Variants in NADK observed in about 807,000 individuals in gnomAD.
NADK encodes the protein NAD kinase.
A neutral mutation model predicts 49.8 loss-of-function variants in NADK; 22 were observed. The ratio of observed to expected loss-of-function variants is 0.44; its 90% CI spans 0.32 to 0.63. The LOEUF is 0.63. Among genes scored for constraint, NADK ranks in the 30% least tolerant of loss-of-function variants. The pLI, the probability that NADK is intolerant of heterozygous loss-of-function variation, is 0.06. For missense variants in NADK, 438 were observed against 609.4 expected (o/e 0.72, Z 2.96); for synonymous variants, 268 against 253.7 (o/e 1.06, Z -0.54).
At chr1:1,759,621 G>A (rs768381938) in intron 3 of NADK, 10 of 1,225,756 alleles carry the variant, frequency 8.2e-6, no homozygotes, top group Admixed American at 7.1e-5. Flanking sequence ...CCTCCACAGC[G>A]GGGATGGGAA....
intron 1 of NADK, among the ~76,000 whole-genome samples, chr1:1,774,502 G>A (rs1253428096): frequency 1.3e-5 from 2 of 152,108 alleles, no homozygotes; most frequent in African/African-American, 4.8e-5. Context: ...TGATCCGCCC[G>A]CCTTGGCCTC....
intron 3 of NADK, 140 bp downstream of exon 3, chr1:1,761,812 G>C (rs1451123527): frequency 5.5e-6 from 4 of 728,068 alleles, no homozygotes; most frequent in Non-Finnish European, 7.0e-6. Context: ...TGAAGTGCTA[G>C]AATCTTCCTC....
chr1:1,761,124 C>T (rs1451105037), intron 3 of NADK, among the ~76,000 whole-genome samples: 2 of 152,194 alleles, frequency 1.3e-5, no homozygotes, highest in Admixed American at 1.3e-4. Context: ...TCCCAAGTAG[C>T]TGGGATTATA....
At chr1:1,761,201 C>T (rs1251004197) in intron 3 of NADK, among the ~76,000 whole-genome samples, 3 of 152,320 alleles carry the variant, frequency 2.0e-5, no homozygotes, top group East Asian at 3.9e-4. Flanking sequence ...CCATATTGGC[C>T]AGGCTGGTCT....
At chr1:1,761,227 G>A (rs556811254) in intron 3 of NADK, among the ~76,000 whole-genome samples, 8 of 152,266 alleles carry the variant, frequency 5.3e-5, no homozygotes, top group East Asian at 1.9e-4. Flanking sequence ...TCCTGACCTC[G>A]TGATCCGCCC....
intron 1 of NADK, among the ~76,000 whole-genome samples, chr1:1,769,029 C>T (rs1313845765): frequency 2.6e-5 from 4 of 152,220 alleles, no homozygotes; most frequent in Admixed American, 2.6e-4. Context: ...GAAGGTACAG[C>T]CCAGGCACCG....
chr1:1,772,934 G>A (rs1003817973), intron 1 of NADK, among the ~76,000 whole-genome samples: 4 of 151,592 alleles, frequency 2.6e-5, no homozygotes, highest in Non-Finnish European at 2.9e-5. Context: ...CCAGCCACTC[G>A]GGAGGCTGAG....
intron 6 of NADK, 77 bp from the exon 7 acceptor site, chr1:1,755,553 G>T (rs1254682989): frequency 4.7e-6 from 5 of 1,064,356 alleles, no homozygotes; most frequent in Non-Finnish European, 7.2e-6. Context: ...CAGCACCTCA[G>T]GAGGGACCCA....
At chr1:1,759,400 C>A (rs2100311043) in intron 3 of NADK, among the ~76,000 whole-genome samples, 2 of 152,318 alleles carry the variant, frequency 1.3e-5, no homozygotes, top group East Asian at 3.9e-4. Flanking sequence ...ACAGCCTGGC[C>A]CGCCTGGCCA....
chr1:1,763,557 T>G (rs1645793566), intron 2 of NADK, among the ~76,000 whole-genome samples: 1 of 147,028 alleles, frequency 6.8e-6, no homozygotes. Context: ...AGGCAGAGCT[T>G]GCAGTGAGCC....
chr1:1,753,774 C>G (rs2072928), intron 10 of NADK, 125 bp from the exon 11 acceptor site: 788,435 of 905,970 alleles, frequency 0.87, 348,832 homozygotes, highest in Non-Finnish European at 0.93. Context: ...GCGGACGGTG[C>G]AGTGCACGTC....
At chr1:1,762,195 G>T (rs924703983) in intron 2 of NADK, among the ~76,000 whole-genome samples, 160 bp from the exon 3 acceptor site, 6 of 152,252 alleles carry the variant, frequency 3.9e-5, no homozygotes, top group Non-Finnish European at 8.8e-5. Flanking sequence ...GGAAGGTTCT[G>T]CCCAGGTCCA....
intron 1 of NADK, among the ~76,000 whole-genome samples, chr1:1,774,188 CATAT>C (rs918800545): frequency 3.3e-5 from 5 of 150,278 alleles, no homozygotes; most frequent in Non-Finnish European, 7.4e-5. Flanking sequence ...CACACACACA[CATAT>C]ATATATATTT....
chr1:1,779,465 T>A (rs1570604602), upstream of NADK, among the ~76,000 whole-genome samples: 1 of 152,076 alleles, frequency 6.6e-6, no homozygotes, highest in Non-Finnish European at 1.5e-5. Context: ...AACCTGCTGG[T>A]CCCCCAGGTG....
chr1:1,776,129 T>C (rs1646203500), intron 1 of NADK, among the ~76,000 whole-genome samples: 1 of 152,044 alleles, frequency 6.6e-6, no homozygotes, highest in South Asian at 2.1e-4. Flanking sequence ...GGCCGTCGAG[T>C]CCCGCAAACA....
chr1:1,765,063 C>G (rs979832194), intron 2 of NADK, among the ~76,000 whole-genome samples, 165 bp downstream of exon 2: 2 of 152,222 alleles, frequency 1.3e-5, no homozygotes, highest in Non-Finnish European at 2.9e-5. Context: ...GTCCATGGGC[C>G]AGGATCCCCC....
chr1:1,754,122 T>C lies in NADK; in HGVS notation c.1030A>G (p.Met344Val), dbSNP rs553496562. ...SMIHPNVPAIMITPICPHSLS... is the reference protein window; with the variant it reads ...SMIHPNVPAIVITPICPHSLS... ...GAGTGGGGGCAGATGGGCGTGATCA[T>C]GATGGCCGGCACGTTGGGGTGGATC... The change falls in exon 10 of 12, where the codon ATG becomes GTG. Residue 344 changes from methionine (M) to valine (V), a missense_variant. Met to Val is a conservative substitution (Grantham distance 21). Transcript: ENST00000341426. The surrounding 1 kb of genome is among the most constrained non-coding windows in gnomAD (Gnocchi z 4.3). 1 of 1,611,020 alleles carries C rather than the reference T, an allele frequency of 6.2e-7. No individual in the cohort carries two copies. Among genetic ancestry groups the C allele is most frequent in the Non-Finnish European group, 8.5e-7 (1 of 1,178,904 alleles).
intron 1 of NADK, among the ~76,000 whole-genome samples, chr1:1,776,032 TCCC>T (rs934726003): frequency 8.6e-5 from 13 of 151,862 alleles, no homozygotes; most frequent in African/African-American, 2.9e-4. Context: ...TGACACAGCC[TCCC>T]CCCAAGTGCT....
At chr1:1,757,949 C>A (rs1645582586) in intron 3 of NADK, among the ~76,000 whole-genome samples, 1 of 152,176 alleles carries the variant, frequency 6.6e-6, no homozygotes, top group South Asian at 2.1e-4. Flanking sequence ...TGGCTCTGAC[C>A]CCGACCACTG....
Sources: gnomAD v4.1 joint callset for allele counts (sites outside exome capture counted in the v4.1 genomes callset) on GRCh38, gnomAD v4.1.1 for gene constraint, Gnocchi (gnomAD v3.1) non-coding constraint, MANE v1.5 for transcripts, NCBI Gene and HGNC (gene_info 2026-07-23, HGNC 2026-07-21) for gene names.